The following TCERG1 variants were observed in gnomAD, a reference collection of about 807,000 sequenced individuals.
TCERG1 encodes the protein transcription elongation regulator 1, also known as TATA box binding protein (TBP)-associated factor, RNA polymerase II, S, 150kD.
TCERG1 carries 37 observed loss-of-function variants against 144.7 expected under a neutral mutation model. The ratio of observed to expected loss-of-function variants is 0.26; its 90% CI spans 0.20 to 0.34. TCERG1 has a LOEUF of 0.34. Among genes scored for constraint, TCERG1 ranks in the 10% least tolerant of loss-of-function variants. TCERG1 has a pLI of 1.00. For synonymous variants in TCERG1, 492 were observed against 458.2 expected (o/e 1.07, Z -0.94); for missense variants, 1,027 against 1,380.7 (o/e 0.74, Z 4.06).
intron 1 of TCERG1, among the ~76,000 whole-genome samples, chr5:146,450,666 C>A (rs1477835757): frequency 6.6e-6 from 1 of 152,076 alleles, no homozygotes; most frequent in Non-Finnish European, 1.5e-5. Flanking sequence ...ATATAAAGAG[C>A]CCAGCCCATG....
chr5:146,511,800 C>T lies in TCERG1; in HGVS notation c.*1158C>T, dbSNP rs1768471507. On this transcript the variant is annotated 3_prime_UTR_variant, in exon 23 of 23. Coordinates refer to ENST00000679501, the MANE Select transcript of TCERG1 (RefSeq NM_001382548.1). ...TTGTATTAATGTATGATGGTTTGCG[C>T]CTTTTTGGCATTCTTTCAACATGTC... 6.6e-6 allele frequency: 1 copy of T among 151,944 alleles called. No individual in the cohort carries two copies. The highest frequency in any genetic ancestry group is 2.1e-4 in the South Asian group (1 of 4,820). The allele number at this position is 151,944 out of a possible 1,614,324, so 9.4% of individuals were successfully genotyped here.
intron 1 of TCERG1, among the ~76,000 whole-genome samples, chr5:146,448,941 C>T (rs1419418694): frequency 6.6e-6 from 1 of 152,114 alleles, no homozygotes; most frequent in East Asian, 1.9e-4. Context: ...ATCCAAATGG[C>T]TTTATTAATA....
intron 16 of TCERG1, among the ~76,000 whole-genome samples, chr5:146,496,825 C>T (rs1021834150): frequency 6.6e-6 from 1 of 150,890 alleles, no homozygotes. Flanking sequence ...CCACCATGCC[C>T]AACCAATTTT....
At chr5:146,456,888 T>A (rs538571202) in intron 2 of TCERG1, among the ~76,000 whole-genome samples, 7 of 152,292 alleles carry the variant, frequency 4.6e-5, no homozygotes, top group Admixed American at 4.6e-4. Context: ...ATCAATTTTT[T>A]AAAAAAAGTA....
At chr5:146,490,698 T>TA (rs1379433629) in intron 15 of TCERG1, among the ~76,000 whole-genome samples, 1 of 152,198 alleles carries the variant, frequency 6.6e-6, no homozygotes, top group Non-Finnish European at 1.5e-5. Flanking sequence ...CTCTTTTAGT[T>TA]ACGGGAAATT....
chr5:146,470,280 AG>A (rs557936983), intron 7 of TCERG1, among the ~76,000 whole-genome samples: 57 of 152,250 alleles, frequency 3.7e-4, no homozygotes, highest in African/African-American at 1.2e-3. Flanking sequence ...TGAGGATTAT[AG>A]GTATGTGTCA....
At chr5:146,501,301 A>AT (rs898237706) in intron 17 of TCERG1, among the ~76,000 whole-genome samples, 4 of 151,900 alleles carry the variant, frequency 2.6e-5, no homozygotes, top group East Asian at 2.0e-4. Flanking sequence ...GGTAAATGAC[A>AT]TTTTTTTGAC....
Position 146,478,287 on chromosome 5 carries a change from A to C in TCERG1, c.1602-206A>C, listed in dbSNP as rs919237647. On this transcript the variant is annotated intron_variant, in intron 9 of 22. Transcript: ENST00000679501. ...TTGCTTTGCATTTCTTGGTTTTCTC[A>C]GTTAATATGTTGATCTGTTATTTTT... 1.7e-5 allele frequency: 7 copies of C among 413,268 alleles called. 1 individual carries two copies. The highest frequency in any genetic ancestry group is 1.3e-3 in the Middle Eastern group (2 of 1,526). The allele number at this position is 413,268 out of a possible 1,614,324, so 25.6% of individuals were successfully genotyped here.
At chr5:146,490,233 T>C (rs1303426035) in intron 15 of TCERG1, among the ~76,000 whole-genome samples, 2 of 152,170 alleles carry the variant, frequency 1.3e-5, no homozygotes, top group Non-Finnish European at 2.9e-5. Context: ...TCCCTCCTTA[T>C]CTGTGGAGGA....
At chr5:146,496,164 A>G (rs894321761) in intron 16 of TCERG1, among the ~76,000 whole-genome samples, 2 of 152,256 alleles carry the variant, frequency 1.3e-5, no homozygotes, top group Non-Finnish European at 2.9e-5. Context: ...TGAAAGCTTT[A>G]TAATGCCTTT....
At chr5:146,469,978 G>T (rs2150383330) in intron 7 of TCERG1, among the ~76,000 whole-genome samples, 1 of 152,118 alleles carries the variant, frequency 6.6e-6, no homozygotes, top group South Asian at 2.1e-4. Flanking sequence ...ACGTACATAT[G>T]TATGTACATA....
At position 146,459,382 on chromosome 5, in the gene TCERG1, T is replaced by G. The variant is rs202040285; in HGVS notation, c.892+45T>G. ...TGTTTTTATATAGGGGCTAGAGACA[T>G]GAACAAGTAGGGGACTACATTTCAT... On this transcript the variant is annotated intron_variant, in intron 4 of 22. Coordinates refer to ENST00000679501, the MANE Select transcript of TCERG1 (RefSeq NM_001382548.1). 3.7e-5 allele frequency: 59 copies of G among 1,584,344 alleles called. No homozygotes were observed. The African/African-American group carries it at 5.6e-4, about 15-fold the overall frequency.
intron 1 of TCERG1, among the ~76,000 whole-genome samples, chr5:146,451,152 T>G (rs1489318245): frequency 1.3e-5 from 2 of 152,046 alleles, no homozygotes; most frequent in African/African-American, 4.8e-5. Context: ...AATCTAAGAG[T>G]AGGGTACATT....
intron 8 of TCERG1, 136 bp downstream of exon 8, chr5:146,470,884 G>T: frequency 1.7e-6 from 1 of 599,222 alleles, no homozygotes; most frequent in Non-Finnish European, 2.6e-6. Context: ...ATTCTTGCAA[G>T]TTCTTAATTC....
In TCERG1 at chr5:146,510,737, G is replaced by A. The variant is rs922468625; in HGVS notation, c.*95G>A. 1.4e-5 allele frequency: 16 copies of A among 1,148,482 alleles called. No homozygotes were observed. In the Admixed American group the frequency reaches 1.7e-4, roughly 12 times the overall value. 71.1% of individuals were successfully genotyped at this position (1,148,482 alleles called of 1,614,324 possible). A position where few individuals can be genotyped will look rare whatever the true frequency, so the allele number is the denominator to read the frequency against. ...ATATGTGCATTAGTCAACCTATTGC[G>A]AAACCATCTGACAAACAGAAGGAGA... On this transcript the variant is annotated 3_prime_UTR_variant, in exon 23 of 23. Transcript: ENST00000679501.
At chr5:146,475,039 C>A (rs1031308759) in intron 9 of TCERG1, among the ~76,000 whole-genome samples, 1 of 152,140 alleles carries the variant, frequency 6.6e-6, no homozygotes, top group Admixed American at 6.5e-5. Flanking sequence ...ATCTGTGCTT[C>A]ATTTCCTGTT....
At chr5:146,497,760 T>C (rs1767068589) in intron 16 of TCERG1, among the ~76,000 whole-genome samples, 1 of 152,214 alleles carries the variant, frequency 6.6e-6, no homozygotes, top group Non-Finnish European at 1.5e-5. Flanking sequence ...CTTCCAGCTC[T>C]GTTTTCCTTG....
intron 16 of TCERG1, 98 bp from the exon 17 acceptor site, chr5:146,498,438 T>C: frequency 7.6e-7 from 1 of 1,320,042 alleles, no homozygotes; most frequent in Non-Finnish European, 1.0e-6. Flanking sequence ...CAGTGTCTCT[T>C]TGTCATATAC....
intron 4 of TCERG1, among the ~76,000 whole-genome samples, chr5:146,461,858 C>T (rs1763355562): frequency 1.3e-5 from 2 of 152,180 alleles, no homozygotes; most frequent in Non-Finnish European, 2.9e-5. Flanking sequence ...AGAAATCCTA[C>T]TTCTCAGGGA....
Sources: gnomAD v4.1 joint callset for allele counts (sites outside exome capture counted in the v4.1 genomes callset) on GRCh38, gnomAD v4.1.1 for gene constraint, MANE v1.5 for transcripts, NCBI Gene and HGNC (gene_info 2026-07-23, HGNC 2026-07-21) for gene names.